The following SMCHD1 variants were observed in gnomAD, a reference collection of about 807,000 sequenced individuals.
SMCHD1 encodes structural maintenance of chromosomes flexible hinge domain-containing protein 1.
A neutral mutation model predicts 254.7 loss-of-function variants in SMCHD1; 78 were observed. That is an observed-to-expected ratio of 0.31 (90% CI 0.26 to 0.37). SMCHD1 has a LOEUF of 0.37. Among genes scored for constraint, SMCHD1 ranks in the 10% least tolerant of loss-of-function variants. SMCHD1 has a pLI of 1.00. For missense variants in SMCHD1, 1,840 were observed against 2,408.1 expected (o/e 0.76, Z 4.94); for synonymous variants, 766 against 794.9 (o/e 0.96, Z 0.61).
At chr18:2,777,551 CTG>C (rs980297777) in intron 42 of SMCHD1, among the ~76,000 whole-genome samples, 10 of 152,248 alleles carry the variant, frequency 6.6e-5, no homozygotes, top group South Asian at 4.1e-4. Flanking sequence ...TCAAATGAAA[CTG>C]TTATTTATTG....
At chr18:2,745,185 T>TTTTATTTTTAAAAATTAAAAAA (rs74556033) in intron 29 of SMCHD1, among the ~76,000 whole-genome samples, 1 of 113,788 alleles carries the variant, frequency 8.8e-6, no homozygotes, top group South Asian at 2.7e-4. Context: ...TTGAAACAAG[T>TTTTATTTTTAAAAATTAAAAAA]TTTATTTATT....
chr18:2,760,740 G>T lies in SMCHD1; in HGVS notation c.4434+1G>T. The T allele has an allele frequency of 1.3e-6, 2 of 1,584,616 alleles. No homozygotes were observed. The highest frequency in any genetic ancestry group is 1.7e-6 in the Non-Finnish European group (2 of 1,157,726). On this transcript the variant is annotated splice_donor_variant, in intron 35 of 47. Transcript: ENST00000320876. LOFTEE classifies it high-confidence loss of function. ...AACAAATATTCTCAACAGTGAACAG[G>T]TTTGCTTACTTTTTTTATATACCAC...
At chr18:2,740,448 C>T (rs1568280218) in intron 27 of SMCHD1, among the ~76,000 whole-genome samples, 1 of 151,926 alleles carries the variant, frequency 6.6e-6, no homozygotes, top group African/African-American at 2.4e-5. Flanking sequence ...AAAATATTAT[C>T]TTCAAATTTT....
chr18:2,689,874 A>AG (rs2074135971), intron 7 of SMCHD1, among the ~76,000 whole-genome samples: 1 of 138,684 alleles, frequency 7.2e-6, no homozygotes, highest in Non-Finnish European at 1.6e-5. Context: ...AAAAAAAAAA[A>AG]AAAGCCGGGT....
At chr18:2,770,559 T>C (rs925700894) in intron 39 of SMCHD1, among the ~76,000 whole-genome samples, 3 of 152,226 alleles carry the variant, frequency 2.0e-5, no homozygotes, top group Non-Finnish European at 4.4e-5. Flanking sequence ...TACTGAAATA[T>C]GTAAATTATT....
At chr18:2,796,860 G>A (rs1427776211) in intron 47 of SMCHD1, 1 of 205,892 alleles carries the variant, frequency 4.9e-6, no homozygotes. Flanking sequence ...TGGGATTACA[G>A]GTGTGAGCCA....
intron 3 of SMCHD1, among the ~76,000 whole-genome samples, chr18:2,668,580 C>T (rs1598285993): frequency 6.6e-6 from 1 of 152,096 alleles, no homozygotes; most frequent in South Asian, 2.1e-4. Context: ...CAAAAAAGCT[C>T]TTCTCCCATC....
chr18:2,774,363 A>G (rs1296868601), intron 41 of SMCHD1, among the ~76,000 whole-genome samples: 3 of 151,868 alleles, frequency 2.0e-5, no homozygotes, highest in Admixed American at 6.6e-5. Flanking sequence ...CCTTTCTTCC[A>G]CTAACTTCTA....
intron 17 of SMCHD1, among the ~76,000 whole-genome samples, chr18:2,713,690 T>C (rs974469762): frequency 1.3e-5 from 2 of 152,066 alleles, no homozygotes; most frequent in East Asian, 3.9e-4. Context: ...TCTCAAAATA[T>C]ATATATGTAT....
chr18:2,719,352 G>A (rs1379954025), intron 19 of SMCHD1, among the ~76,000 whole-genome samples: 2 of 150,786 alleles, frequency 1.3e-5, no homozygotes, highest in Non-Finnish European at 2.9e-5. Context: ...ATACAGTGCA[G>A]TGGCATGATC....
intron 34 of SMCHD1, 36 bp from the exon 35 acceptor site, chr18:2,760,616 A>G (rs2075768169): frequency 1.7e-6 from 2 of 1,167,490 alleles, no homozygotes; most frequent in East Asian, 4.7e-5. Context: ...CTTTATACAA[A>G]CATTGTCAGT....
chr18:2,749,373 CT>C (rs1312880649), intron 30 of SMCHD1, among the ~76,000 whole-genome samples: 1 of 152,178 alleles, frequency 6.6e-6, no homozygotes, highest in Non-Finnish European at 1.5e-5. Flanking sequence ...TACAAATTCA[CT>C]GTTATTCTGA....
At chr18:2,707,087 C>T (rs1203091379) in intron 15 of SMCHD1, among the ~76,000 whole-genome samples, 2 of 150,372 alleles carry the variant, frequency 1.3e-5, no homozygotes, top group African/African-American at 5.0e-5. Flanking sequence ...CCCACCAGGT[C>T]CCTCCCTTGA....
At chr18:2,740,868 TATGTGTA>T in intron 28 of SMCHD1, 47 bp downstream of exon 28, 1 of 1,060,676 alleles carries the variant, frequency 9.4e-7, no homozygotes, top group Non-Finnish European at 1.3e-6. Context: ...TTCATTGTTA[TATGTGTA>T]ACAAAAAGTT....
chr18:2,663,590 C>T (rs961717732), intron 1 of SMCHD1, among the ~76,000 whole-genome samples: 1 of 152,112 alleles, frequency 6.6e-6, no homozygotes, highest in South Asian at 2.1e-4. Flanking sequence ...GTCTTAATAT[C>T]ATTCATTGGA....
At chr18:2,690,967 A>C (rs1240814980) in intron 7 of SMCHD1, among the ~76,000 whole-genome samples, 1 of 151,964 alleles carries the variant, frequency 6.6e-6, no homozygotes, top group Non-Finnish European at 1.5e-5. Flanking sequence ...TGAAAAAAAA[A>C]AAAAAAACCT....
At chr18:2,725,027 G>C (rs1200578960) in intron 21 of SMCHD1, 32 bp downstream of exon 21, 3 of 1,218,350 alleles carry the variant, frequency 2.5e-6, no homozygotes, top group Non-Finnish European at 3.4e-6. Context: ...TATGATACTT[G>C]TTAAGTATTT....
chr18:2,709,558 G>A (rs771954688), intron 17 of SMCHD1, among the ~76,000 whole-genome samples: 1 of 152,024 alleles, frequency 6.6e-6, no homozygotes, highest in South Asian at 2.1e-4. Flanking sequence ...TGTGGGGGAC[G>A]GATAATAGCC....
At chr18:2,792,458 T>G (rs2076183158) in intron 45 of SMCHD1, among the ~76,000 whole-genome samples, 1 of 152,226 alleles carries the variant, frequency 6.6e-6, no homozygotes, top group Non-Finnish European at 1.5e-5. Flanking sequence ...AATGAAACAT[T>G]GCTCAGAGCA....
Sources: gnomAD v4.1 joint callset for allele counts (sites outside exome capture counted in the v4.1 genomes callset) on GRCh38, gnomAD v4.1.1 for gene constraint, MANE v1.5 for transcripts, NCBI Gene and HGNC (gene_info 2026-07-23, HGNC 2026-07-21) for gene names.